TEX10: variants seen among roughly 807,000 people sequenced by gnomAD.
The protein encoded by TEX10 is testis-expressed protein 10.
TEX10 carries 24 observed loss-of-function variants against 104.4 expected under a neutral mutation model. The ratio of observed to expected loss-of-function variants is 0.23; its 90% CI spans 0.17 to 0.32. TEX10 has a LOEUF of 0.32. TEX10 is among the 10% of genes least tolerant of loss of function. TEX10 has a pLI of 1.00. For missense variants in TEX10, 921 were observed against 1,083.9 expected (o/e 0.85, Z 2.11); for synonymous variants, 396 against 393.4 (o/e 1.01, Z -0.08).
chr9:100,308,680 A>G lies in TEX10; in HGVS notation c.2285T>C (p.Val762Ala). 2 of 1,584,598 alleles carry G rather than the reference A, an allele frequency of 1.3e-6. No homozygotes were observed. Among genetic ancestry groups the G allele is most frequent in the Non-Finnish European group, 1.7e-6 (2 of 1,168,052 alleles). ...GCTGTCAGGAATTACAGTCAACCCA[A>G]CCTAAGCAGAGAAAAACGAGATTAA... is the stretch of plus-strand genomic sequence containing the variant. ...ILQSAISKHL[V>A]GLTVIPDSTA... The change falls in exon 13 of 15, where the codon GTT (valine) becomes GCT (alanine). Residue 762 changes from valine (V) to alanine (A), a missense_variant and splice_region_variant. Physicochemically the swap from Val to Ala is moderately conservative, Grantham distance 64. Transcript: ENST00000374902.
intron 4 of TEX10, among the ~76,000 whole-genome samples, chr9:100,344,474 G>A (rs1013056862): frequency 6.6e-6 from 1 of 151,542 alleles, no homozygotes; most frequent in African/African-American, 2.4e-5. Context: ...TAACAAAGCA[G>A]TAACAAAAGT....
At chr9:100,309,216 T>C (rs1334174874) in intron 12 of TEX10, among the ~76,000 whole-genome samples, 2 of 152,186 alleles carry the variant, frequency 1.3e-5, no homozygotes, top group Non-Finnish European at 2.9e-5. Flanking sequence ...TTACTATAGT[T>C]AACATTTGAC....
chr9:100,341,658 A>G (rs1342750183), intron 4 of TEX10, among the ~76,000 whole-genome samples: 1 of 152,124 alleles, frequency 6.6e-6, no homozygotes, highest in Non-Finnish European at 1.5e-5. Flanking sequence ...CCTCCTAACC[A>G]GTCTGCCTGT....
intron 5 of TEX10, 57 bp downstream of exon 5, chr9:100,340,199 TG>T: frequency 9.5e-7 from 1 of 1,057,736 alleles, no homozygotes; most frequent in African/African-American, 1.7e-5. Context: ...AATTACTTCC[TG>T]ATAATTTCAG....
intron 5 of TEX10, among the ~76,000 whole-genome samples, chr9:100,334,956 C>T (rs12684939): frequency 0.45 from 69,092 of 152,010 alleles, 17,385 homozygotes; most frequent in East Asian, 0.89. Flanking sequence ...TGAGCCACCG[C>T]GCCTGGCCAG....
At chr9:100,347,432 A>T (rs1238769603) in intron 2 of TEX10, 26 bp from the exon 3 acceptor site, 17 of 1,511,426 alleles carry the variant, frequency 1.1e-5, no homozygotes, top group Non-Finnish European at 1.5e-5. Context: ...CAAATTTTAG[A>T]TGTATACTTA....
At chr9:100,307,076 G>A (rs191059738) in intron 13 of TEX10, 28 of 152,162 alleles carry the variant, frequency 1.8e-4, no homozygotes, top group African/African-American at 5.5e-4. Flanking sequence ...AACTATCGTC[G>A]AATTTATGTT....
At chr9:100,317,353 C>A (rs1834446487) in intron 11 of TEX10, among the ~76,000 whole-genome samples, 1 of 152,114 alleles carries the variant, frequency 6.6e-6, no homozygotes, top group African/African-American at 2.4e-5. Context: ...ATATTTATAA[C>A]CAACTCAGCT....
intron 11 of TEX10, among the ~76,000 whole-genome samples, chr9:100,317,425 G>A (rs1834448673): frequency 6.6e-6 from 1 of 152,094 alleles, no homozygotes; most frequent in South Asian, 2.1e-4. Flanking sequence ...ATGGTGCTGA[G>A]AAAATTGGAA....
chr9:100,331,837 A>T (rs139918615), intron 5 of TEX10, among the ~76,000 whole-genome samples: 2 of 152,354 alleles, frequency 1.3e-5, no homozygotes, highest in East Asian at 3.9e-4. Context: ...AACCAGGGTC[A>T]ATACTGGTAT....
intron 9 of TEX10, among the ~76,000 whole-genome samples, chr9:100,326,061 C>A (rs773191999): frequency 1.3e-4 from 20 of 152,178 alleles, no homozygotes; most frequent in Admixed American, 9.2e-4. Flanking sequence ...TTACTACACA[C>A]ACTTTTGATA....
intron 11 of TEX10, 42 bp from the exon 12 acceptor site, chr9:100,310,421 T>C: frequency 6.5e-7 from 1 of 1,542,286 alleles, no homozygotes; most frequent in Non-Finnish European, 8.9e-7. Flanking sequence ...TCAGAACATT[T>C]TAGATCAGAA....
chr9:100,349,250 T>A lies in TEX10; in HGVS notation c.114A>T (p.Ile38=). The A allele has an allele frequency of 6.2e-7, 1 of 1,606,110 alleles. No homozygotes were observed. The highest frequency in any genetic ancestry group is 8.5e-7 in the Non-Finnish European group (1 of 1,177,868). Reference sequence around the variant, plus strand: ...CCTCTTTGAGTTGCTCAGGCAGATGTATAGTCTTTGTTTTAAAGTTTGTAG... The same window carrying A: ...CCTCTTTGAGTTGCTCAGGCAGATGAATAGTCTTTGTTTTAAAGTTTGTAG... The part of the protein sequence containing the change: ...ATPTNFKTKT[I]HLPEQLKEDG... Residue 38 remains isoleucine (I), a synonymous_variant, in exon 2 of 15, where the codon ATA becomes ATT. Coordinates refer to ENST00000374902, the MANE Select transcript of TEX10 (RefSeq NM_017746.4).
chr9:100,341,952 C>T (rs1232434715), intron 4 of TEX10, among the ~76,000 whole-genome samples: 1 of 152,176 alleles, frequency 6.6e-6, no homozygotes. Flanking sequence ...GTGGTCTTTT[C>T]GCCACACTCA....
chr9:100,316,730 T>C (rs887605880), intron 11 of TEX10, among the ~76,000 whole-genome samples: 1 of 152,000 alleles, frequency 6.6e-6, no homozygotes, highest in Non-Finnish European at 1.5e-5. Flanking sequence ...ACCTTCCAAG[T>C]AGCTAGTACT....
In TEX10 at chr9:100,323,774, CA is replaced by C. The variant is rs200519126; in HGVS notation, c.1980-2004del. The stretch of plus-strand genomic sequence containing the variant: ...TAGAGACAGCAAGGTATCAGAACTA[CA>C]AAAATTGAGCTAAACTTGATCTCAC... On this transcript the variant is annotated intron_variant, in intron 9 of 14. Coordinates refer to ENST00000374902, the MANE Select transcript of TEX10 (RefSeq NM_017746.4). Among the ~76,000 whole-genome samples the C allele has an allele frequency of 7.9e-3, 1,202 of 152,164 alleles. 19 individuals are homozygous for C. The highest frequency in any genetic ancestry group is 0.027 in the African/African-American group (1,136 of 41,496).
In TEX10 at chr9:100,329,163, T is replaced by C; in HGVS notation, c.1602A>G (p.Glu534=). 4.4e-6 allele frequency: 7 copies of C among 1,607,588 alleles called. No homozygotes were observed. The highest frequency in any genetic ancestry group is 5.9e-6 in the Non-Finnish European group (7 of 1,178,618). ...ACCTGAATCTACAAGATCTCAGTTC[T>C]TCTGTCTGATAGATTTTACTGAAAA... ...LKFFSKIYQT[E]ELRSCRFRYR... is the part of the protein sequence containing the mutation. The change falls in exon 7 of 15, where the codon GAA becomes GAG. Residue 534 remains glutamate (E), a synonymous_variant. Coordinates refer to ENST00000374902, the MANE Select transcript of TEX10 (RefSeq NM_017746.4).
At chr9:100,352,443 C>T (rs1298830665) in intron 1 of TEX10, 2 of 1,551,650 alleles carry the variant, frequency 1.3e-6, no homozygotes, top group East Asian at 4.9e-5. Flanking sequence ...AACCATCGTT[C>T]CTCCTACTCC....
Position 100,302,312 on chromosome 9 carries a change from G to C in TEX10, c.2677-8C>G, listed in dbSNP as rs1466219749. Reference sequence around the variant, plus strand: ...ACTTCCACTCTTCAATGTCTGGAGAGAAAAACAAGAGTAATCTGAGAACTG... The same window carrying C: ...ACTTCCACTCTTCAATGTCTGGAGACAAAAACAAGAGTAATCTGAGAACTG... On this transcript the variant is annotated splice_region_variant and splice_polypyrimidine_tract_variant and intron_variant, in intron 14 of 14. Transcript: ENST00000374902. 6 of 1,596,158 alleles carry C rather than the reference G, an allele frequency of 3.8e-6. No individual in the cohort carries two copies. Among genetic ancestry groups the C allele is most frequent in the Non-Finnish European group, 5.1e-6 (6 of 1,166,044 alleles).
Sources: gnomAD v4.1 joint callset for allele counts (sites outside exome capture counted in the v4.1 genomes callset) on GRCh38, gnomAD v4.1.1 for gene constraint, MANE v1.5 for transcripts, NCBI Gene and HGNC (gene_info 2026-07-23, HGNC 2026-07-21) for gene names.